Variants in LY6S observed in about 807,000 individuals in gnomAD.
The protein encoded by LY6S is lymphocyte antigen 6 family member S.
At chr8:143,054,808 G>C in the LY6S span, among the ~76,000 whole-genome samples, 8 of 152,208 alleles carry the variant, frequency 5.3e-5, no homozygotes, top group Non-Finnish European at 7.3e-5. Flanking sequence ...AGCAGGGACA[G>C]CTACGGGAGA....
the LY6S span, among the ~76,000 whole-genome samples, chr8:143,069,472 A>C: frequency 1.3e-5 from 2 of 152,168 alleles, no homozygotes; most frequent in African/African-American, 2.4e-5. Flanking sequence ...TAATCTTGAG[A>C]CAGACAGGCC....
At chr8:143,059,348 G>T in the LY6S span, among the ~76,000 whole-genome samples, 91 of 151,936 alleles carry the variant, frequency 6.0e-4, 1 homozygote, top group South Asian at 5.2e-3. Flanking sequence ...TACATTCAGG[G>T]CTAGGATGGT....
At chr8:143,070,725 T>A in the LY6S span, among the ~76,000 whole-genome samples, 2 of 151,664 alleles carry the variant, frequency 1.3e-5, no homozygotes, top group Non-Finnish European at 2.9e-5. Flanking sequence ...GACCTCGTGA[T>A]CCACTCGCCT....
chr8:143,042,828 C>T, the LY6S span: 13 of 394,636 alleles, frequency 3.3e-5, no homozygotes, highest in Non-Finnish European at 4.0e-5. Context: ...ACCCTAGGTC[C>T]CAAGCAGCCA....
the LY6S span, among the ~76,000 whole-genome samples, chr8:143,068,779 G>C: frequency 6.6e-6 from 1 of 151,282 alleles, no homozygotes; most frequent in Non-Finnish European, 1.5e-5. Flanking sequence ...AGAATATCTC[G>C]CTCCAGATTG....
chr8:143,075,214 TTC>T, the LY6S span, among the ~76,000 whole-genome samples: 1 of 152,214 alleles, frequency 6.6e-6, no homozygotes, highest in Non-Finnish European at 1.5e-5. This position sits in a 1 kb window ranked among gnomAD's most constrained non-coding sequence, Gnocchi z 4.1. Flanking sequence ...GTGCTGATTT[TTC>T]TGTTTTGTTA....
At chr8:143,049,484 G>A in the LY6S span, among the ~76,000 whole-genome samples, 6 of 152,146 alleles carry the variant, frequency 3.9e-5, no homozygotes, top group African/African-American at 1.2e-4. Flanking sequence ...GCCTTACAAC[G>A]GAACCCGGCT....
At chr8:143,073,934 C>T in the LY6S span, among the ~76,000 whole-genome samples, 1 of 150,194 alleles carries the variant, frequency 6.7e-6, no homozygotes, top group African/African-American at 2.4e-5. Context: ...AGGAGACAGC[C>T]GTCGTCCCCG....
At chr8:143,071,795 AG>A in the LY6S span, among the ~76,000 whole-genome samples, 1 of 152,080 alleles carries the variant, frequency 6.6e-6, no homozygotes, top group Non-Finnish European at 1.5e-5. Context: ...CAGCGACCCC[AG>A]GAAAGGAGGG....
chr8:143,068,762 T>C, the LY6S span, among the ~76,000 whole-genome samples: 1 of 152,120 alleles, frequency 6.6e-6, no homozygotes, highest in Non-Finnish European at 1.5e-5. Context: ...TTCTTTTTTT[T>C]TTTCTGAGAA....
chr8:143,057,344 G>T, the LY6S span: 2 of 380,036 alleles, frequency 5.3e-6, no homozygotes, highest in Non-Finnish European at 1.0e-5. Context: ...CCACCTCCAG[G>T]GTTCAAGCAA....
the LY6S span, among the ~76,000 whole-genome samples, chr8:143,072,266 GC>G: frequency 1.4e-5 from 2 of 147,328 alleles, no homozygotes; most frequent in Admixed American, 6.8e-5. Context: ...TGAGGAGACA[GC>G]CGTCGTCCCC....
At chr8:143,066,838 A>T in the LY6S span, among the ~76,000 whole-genome samples, 1 of 152,114 alleles carries the variant, frequency 6.6e-6, no homozygotes, top group East Asian at 1.9e-4. Flanking sequence ...CTGAGAAGGG[A>T]CGATCTTACT....
the LY6S span, chr8:143,049,292 C>G: frequency 9.4e-6 from 5 of 534,644 alleles, no homozygotes; most frequent in Non-Finnish European, 1.9e-5. Context: ...GAACACCTTT[C>G]GGCTAGGTGA....
the LY6S span, among the ~76,000 whole-genome samples, chr8:143,055,252 T>G: frequency 6.6e-6 from 1 of 152,132 alleles, no homozygotes; most frequent in Non-Finnish European, 1.5e-5. Flanking sequence ...TAGAACACAG[T>G]CATTCAGAAG....
chr8:143,053,066 T>C, the LY6S span, among the ~76,000 whole-genome samples: 1 of 152,122 alleles, frequency 6.6e-6, no homozygotes, highest in East Asian at 1.9e-4. Flanking sequence ...CTGGGTCCTA[T>C]TAAACACCTA....
At chr8:143,072,261 A>G in the LY6S span, among the ~76,000 whole-genome samples, 1 of 146,800 alleles carries the variant, frequency 6.8e-6, no homozygotes, top group Non-Finnish European at 1.5e-5. Flanking sequence ...CTGTTTGAGG[A>G]GACAGCCGTC....
the LY6S span, among the ~76,000 whole-genome samples, chr8:143,054,557 C>T: frequency 6.6e-6 from 1 of 152,188 alleles, no homozygotes; most frequent in South Asian, 2.1e-4. Flanking sequence ...ATTTCACCAC[C>T]ACACGGAGTT....
chr8:143,072,616 T>C, the LY6S span, among the ~76,000 whole-genome samples: 292 of 30,236 alleles, frequency 9.7e-3, no homozygotes, highest in East Asian at 0.014. Context: ...GCCGTCGTCC[T>C]CGGGGTTCCT....
Sources: allele counts gnomAD v4.1 joint callset (sites outside exome capture counted in the v4.1 genomes callset), GRCh38; gene constraint gnomAD v4.1.1; non-coding constraint Gnocchi (gnomAD v3.1); transcripts MANE v1.5; gene names NCBI Gene and HGNC (gene_info 2026-07-23, HGNC 2026-07-21).